The following TECTB variants were observed in gnomAD, a reference collection of about 807,000 sequenced individuals.
The protein encoded by TECTB is beta-tectorin.
Under a neutral mutation model 43.3 loss-of-function variants are expected in TECTB, and 45 were observed. That is an observed-to-expected ratio of 1.04 (90% CI 0.82 to 1.33). The LOEUF is 1.33. Ranked by LOEUF, TECTB falls within the 40% of genes most tolerant of loss-of-function variation. The probability of loss-of-function intolerance (pLI) is 0.00; values close to 1 mark genes in which losing one functional copy is unlikely to be tolerated. For synonymous variants in TECTB, 169 were observed against 156.7 expected (o/e 1.08, Z -0.59); for missense variants, 399 against 404.7 (o/e 0.99, Z 0.12).
chr10:112,298,835 T>C (rs1239540733), intron 8 of TECTB, among the ~76,000 whole-genome samples: 4 of 152,206 alleles, frequency 2.6e-5, no homozygotes, highest in Admixed American at 1.3e-4. Context: ...CTTAGACACT[T>C]AGACATGCCA....
rs372922270 is a variant in TECTB, at chr10:112,301,534, T to C, written c.908-567T>C. Among the ~76,000 whole-genome samples the C allele has an allele frequency of 1.2e-3, 176 of 152,260 alleles. 6 individuals are homozygous for C. In the South Asian group the frequency reaches 0.036, roughly 31 times the overall value. On this transcript the variant is annotated intron_variant, in intron 9 of 10. Coordinates refer to ENST00000646139, the MANE Select transcript of TECTB (RefSeq NM_058222.3). Reference sequence around the variant, plus strand: ...AGTGCACTGCAACTACAGGTGGATTTGTGGTAGCAGAGATGGGATGGCCTG... The same window carrying C: ...AGTGCACTGCAACTACAGGTGGATTCGTGGTAGCAGAGATGGGATGGCCTG...
intron 5 of TECTB, among the ~76,000 whole-genome samples, chr10:112,292,435 GT>G (rs758572772): frequency 6.6e-5 from 10 of 151,800 alleles, no homozygotes; most frequent in African/African-American, 1.2e-4. Context: ...AGTTTTTGAG[GT>G]TTTTTGTTTT....
chr10:112,290,607 C>A (rs1848491422), intron 5 of TECTB, among the ~76,000 whole-genome samples: 1 of 152,194 alleles, frequency 6.6e-6, no homozygotes, highest in African/African-American at 2.4e-5. Flanking sequence ...AGCGATACCT[C>A]TGACAGGTTT....
At position 112,304,152 on chromosome 10, in the gene TECTB, A is replaced by G. The variant is rs1848633859; in HGVS notation, c.*840A>G. On this transcript the variant is annotated 3_prime_UTR_variant, in exon 11 of 11. Coordinates refer to ENST00000646139, the MANE Select transcript of TECTB (RefSeq NM_058222.3). The stretch of plus-strand genomic sequence containing the variant: ...GAAACATGACTATAAAGTGACTCCA[A>G]TGACACAAGTGCTGTGAGTTTGGTG... The G allele has an allele frequency of 6.6e-6, 1 of 152,232 alleles. No individual in the cohort carries two copies. The highest frequency in any genetic ancestry group is 6.5e-5 in the Admixed American group (1 of 15,286). The allele number at this position is 152,232 out of a possible 1,614,324, so 9.4% of individuals were successfully genotyped here. A position where few individuals can be genotyped will look rare whatever the true frequency, so the allele number is the denominator to read the frequency against.
chr10:112,290,575 G>A (rs147427303), intron 5 of TECTB, among the ~76,000 whole-genome samples: 118 of 152,278 alleles, frequency 7.7e-4, no homozygotes, highest in African/African-American at 2.7e-3. Context: ...CTGCTGGCTG[G>A]TCCCTGGCAG....
intron 10 of TECTB, chr10:112,303,008 T>C (rs991551264): frequency 2.0e-6 from 1 of 497,272 alleles, no homozygotes; most frequent in Non-Finnish European, 3.6e-6. Context: ...GTTTTTAAGT[T>C]CTACACTGAA....
At chr10:112,289,798 G>A (rs943233659) in intron 5 of TECTB, among the ~76,000 whole-genome samples, 4 of 152,184 alleles carry the variant, frequency 2.6e-5, no homozygotes, top group African/African-American at 4.8e-5. Context: ...TCACGGGTCA[G>A]AGGTGACCTT....
intron 9 of TECTB, among the ~76,000 whole-genome samples, chr10:112,301,609 C>T (rs1382398282): frequency 6.6e-6 from 1 of 152,070 alleles, no homozygotes; most frequent in Admixed American, 6.5e-5. Context: ...GAAAGCTTAC[C>T]AACCCCTGCT....
rs941536264 is a variant in TECTB, at chr10:112,285,587, C to T, written c.268-484C>T. Among the ~76,000 whole-genome samples the T allele has an allele frequency of 3.3e-5, 5 of 152,214 alleles. 1 individual carries two copies. In the South Asian group the frequency reaches 6.2e-4, roughly 19 times the overall value. On this transcript the variant is annotated intron_variant, in intron 3 of 10. Coordinates refer to ENST00000646139, the MANE Select transcript of TECTB (RefSeq NM_058222.3). Reference sequence around the variant, plus strand: ...TCAAGTGGATGTTCAAGATCCCCTCCAGCTCTAATATTCTGTGATTTTAGA... The same window carrying T: ...TCAAGTGGATGTTCAAGATCCCCTCTAGCTCTAATATTCTGTGATTTTAGA...
chr10:112,299,542 G>T lies in TECTB; in HGVS notation c.885G>T (p.Leu295=). The change falls in exon 9 of 11, where the codon CTG becomes CTT. Residue 295 remains leucine (L), a synonymous_variant. Transcript: ENST00000646139. ...RLLRDQTGGV[L]VVELSLRSRG... is the part of the protein sequence containing the mutation. The stretch of plus-strand genomic sequence containing the variant: ...TGCGAGACCAGACCGGGGGAGTCCT[G>T]GTCGTGGAGCTCTCCCTGCGGAGTA... 1 of 1,613,764 alleles carries T rather than the reference G, an allele frequency of 6.2e-7. No homozygotes were observed.
At chr10:112,290,244 G>A (rs749058415) in intron 5 of TECTB, among the ~76,000 whole-genome samples, 8 of 151,960 alleles carry the variant, frequency 5.3e-5, no homozygotes, top group Non-Finnish European at 1.0e-4. Context: ...CCATGTTATC[G>A]GATCAAAATA....
intron 9 of TECTB, chr10:112,299,767 C>T (rs1589642320): frequency 1.8e-6 from 1 of 569,226 alleles, no homozygotes; most frequent in Non-Finnish European, 3.1e-6. Context: ...TTGTTATCTA[C>T]TCTGAAAGTT....
chr10:112,283,612 CTT>C lies in TECTB; in HGVS notation c.-87-35_-87-34del, dbSNP rs1848430326. On this transcript the variant is annotated intron_variant, in intron 1 of 10. Coordinates refer to ENST00000646139, the MANE Select transcript of TECTB (RefSeq NM_058222.3). Reference sequence around the variant, plus strand: ...ACTGTATGTGCGGCTTTGTTCTTCCCTTGATTTTAACTTTTCATTCATGTTTC... The same window carrying C: ...ACTGTATGTGCGGCTTTGTTCTTCCCGATTTTAACTTTTCATTCATGTTTC... 5.8e-6 allele frequency: 5 copies of C among 866,478 alleles called. No individual in the cohort carries two copies. The East Asian group carries it at 1.4e-4, about 24-fold the overall frequency. 53.7% of individuals were successfully genotyped at this position (866,478 alleles called of 1,614,324 possible).
chr10:112,302,292 A>C, intron 10 of TECTB, 159 bp downstream of exon 10: 1 of 786,944 alleles, frequency 1.3e-6, no homozygotes, highest in South Asian at 1.9e-5. Flanking sequence ...CGAGATCAAG[A>C]GGTCTCCCTC....
At chr10:112,291,837 T>C (rs1427598666) in intron 5 of TECTB, among the ~76,000 whole-genome samples, 1 of 152,146 alleles carries the variant, frequency 6.6e-6, no homozygotes, top group East Asian at 1.9e-4. Context: ...TGCTTTTGTC[T>C]CTGAAATCTA....
At chr10:112,292,709 G>C (rs552593153) in intron 5 of TECTB, among the ~76,000 whole-genome samples, 1 of 152,254 alleles carries the variant, frequency 6.6e-6, no homozygotes, top group East Asian at 1.9e-4. Flanking sequence ...CTCCCAAAGC[G>C]CTGAGACTAC....
chr10:112,296,228 T>C (rs1848545970), intron 7 of TECTB, among the ~76,000 whole-genome samples: 1 of 152,086 alleles, frequency 6.6e-6, no homozygotes, highest in African/African-American at 2.4e-5. Flanking sequence ...CATAAGGAAT[T>C]TCCCTGTACA....
rs1194827636 is a variant in TECTB at position 112,284,687 on chromosome 10, T to C, written c.229T>C (p.Ser77Pro). The change falls in exon 3 of 11, where the codon TCA becomes CCA. Residue 77 changes from serine to proline, a missense_variant. By Grantham distance (74) the Ser-to-Pro change is moderately conservative. Coordinates refer to ENST00000646139, the MANE Select transcript of TECTB (RefSeq NM_058222.3). ...GYYQFVIPDL[S>P]PKNKSYCGTQ... The stretch of plus-strand genomic sequence containing the variant: ...CTACCAATTTGTGATCCCAGATTTA[T>C]CACCTAAAAACAAGTCCTATTGTGG... 3.7e-6 allele frequency: 6 copies of C among 1,611,038 alleles called. No individual in the cohort carries two copies. Among genetic ancestry groups the C allele is most frequent in the Admixed American group, 3.4e-5 (2 of 59,640 alleles).
intron 6 of TECTB, 61 bp from the exon 7 acceptor site, chr10:112,293,917 C>G (rs1157764818): frequency 1.1e-5 from 17 of 1,604,682 alleles, no homozygotes; most frequent in Non-Finnish European, 1.2e-5. Context: ...TTTTAATCAT[C>G]AGATGTTTGT....
Sources: allele counts gnomAD v4.1 joint callset (sites outside exome capture counted in the v4.1 genomes callset), GRCh38; gene constraint gnomAD v4.1.1; transcripts MANE v1.5; gene names NCBI Gene and HGNC (gene_info 2026-07-23, HGNC 2026-07-21).